The following SEPTIN12 variants were observed in gnomAD, a reference collection of about 807,000 sequenced individuals.
The protein encoded by SEPTIN12 is septin-12.
SEPTIN12 carries 42 observed loss-of-function variants against 37.7 expected under a neutral mutation model. That is an observed-to-expected ratio of 1.11 (90% confidence interval 0.87 to 1.44). SEPTIN12 has a LOEUF of 1.44. SEPTIN12 is among the 40% of genes most tolerant of loss of function. The pLI is 0.00. For missense variants in SEPTIN12, 613 were observed against 479.2 expected, an observed-to-expected ratio of 1.28 and a Z score of -2.61; for synonymous variants, 254 against 196.7, an observed-to-expected ratio of 1.29 and a Z score of -2.44.
In SEPTIN12 at chr16:4,783,705, C is replaced by A. The variant is rs1013230244; in HGVS notation, c.574G>T (p.Val192Leu). The change falls in exon 6 of 10, where the codon GTG becomes TTG. Residue 192 changes from valine to leucine, a missense_variant. Val to Leu is a conservative substitution (Grantham distance 32, BLOSUM62 1). Transcript: ENST00000268231. ...RLCRTVNVVP[V>L]IARADSLTME... ...GTCAGGCTGTCGGCCCTGGCAATCA[C>A]GGGCACCACATTCACAGTCCGGCAC... is the stretch of plus-strand genomic sequence containing the variant. 1.2e-6 allele frequency: 2 copies of A among 1,614,096 alleles called. No homozygotes were observed. The highest frequency in any genetic ancestry group is 1.3e-5 in the African/African-American group (1 of 75,050).
chr16:4,791,489 C>A (rs2082550418), upstream of SEPTIN12, among the ~76,000 whole-genome samples: 1 of 152,102 alleles, frequency 6.6e-6, no homozygotes, highest in Non-Finnish European at 1.5e-5. Flanking sequence ...GAGGTGGATA[C>A]TATTAACATA....
At chr16:4,780,021 A>T (rs1254578693) in intron 7 of SEPTIN12, among the ~76,000 whole-genome samples, 1 of 151,966 alleles carries the variant, frequency 6.6e-6, no homozygotes, top group Admixed American at 6.6e-5. Flanking sequence ...TGGGAGGATC[A>T]CTTGAGCCCT....
At chr16:4,781,677 C>G (rs2082372860) in intron 7 of SEPTIN12, among the ~76,000 whole-genome samples, 1 of 149,692 alleles carries the variant, frequency 6.7e-6, no homozygotes, top group South Asian at 2.1e-4. Context: ...CAGGGTCTCA[C>G]TCCCTTGCCC....
chr16:4,784,198 G>T lies in SEPTIN12; in HGVS notation c.375-130C>A, dbSNP rs558637877. On this transcript the variant is annotated intron_variant, in intron 4 of 9. Coordinates refer to ENST00000268231, the MANE Select transcript of SEPTIN12 (RefSeq NM_144605.5). ...GTCCCGGTTGGCCCGGGACCTGTGG[G>T]TCACCCCGGTACTTTCCCCCACTTC... The T allele has an allele frequency of 5.1e-6, 5 of 982,456 alleles. No individual in the cohort carries two copies. The East Asian group carries it at 1.2e-4, about 24-fold the overall frequency. 60.9% of individuals were successfully genotyped at this position (982,456 alleles called of 1,614,324 possible).
chr16:4,783,840 TG>T (rs2082402400), intron 5 of SEPTIN12, 74 bp from the exon 6 acceptor site: 2 of 1,583,942 alleles, frequency 1.3e-6, no homozygotes, highest in Admixed American at 1.7e-5. Flanking sequence ...GGCACGGGGG[TG>T]GGGGCAGCCG....
In SEPTIN12 at chr16:4,779,675, G is replaced by A; in HGVS notation, c.823+15C>T. 3.2e-6 allele frequency: 5 copies of A among 1,565,556 alleles called. No homozygotes were observed. Among genetic ancestry groups the A allele is most frequent in the Non-Finnish European group, 4.4e-6 (5 of 1,136,110 alleles). On this transcript the variant is annotated intron_variant, in intron 8 of 9. Transcript: ENST00000268231. ...CTGACCCCACCTGCATCCTACCCAG[G>A]GGCCCCGCACTGACCTTCAATGATG...
In SEPTIN12 at chr16:4,778,235, C is replaced by T. The variant is rs566803383; in HGVS notation, c.824-98G>A. On this transcript the variant is annotated intron_variant, in intron 8 of 9. Transcript: ENST00000268231. The stretch of plus-strand genomic sequence containing the variant: ...GACACCATTTCCCTTAGCCCTTTTC[C>T]CACATTTCTCTTTACCCTATCCTGC... 27 of 1,262,674 alleles carry T rather than the reference C, an allele frequency of 2.1e-5. No homozygotes were observed. In the South Asian group the frequency reaches 2.8e-4, roughly 13 times the overall value. 78.2% of individuals were successfully genotyped at this position (1,262,674 alleles called of 1,614,324 possible). A position where few individuals can be genotyped will look rare whatever the true frequency, so the allele number is the denominator to read the frequency against.
Position 4,777,858 on chromosome 16 carries a change from G to C in SEPTIN12, c.1016C>G (p.Thr339Ser). 6.3e-7 allele frequency: 1 copy of C among 1,596,674 alleles called. No homozygotes were observed. The highest frequency in any genetic ancestry group is 8.5e-7 in the Non-Finnish European group (1 of 1,172,564). The change falls in exon 10 of 10, where the codon ACC (threonine) becomes AGC (serine). Residue 339 changes from threonine to serine, a missense_variant. By Grantham distance (58) the Thr-to-Ser change is moderately conservative. Transcript: ENST00000268231. ...NLAPASPGQL[T>S]TPRTFKVCRG... The stretch of plus-strand genomic sequence containing the variant: ...GCAGACCTTGAAGGTCCGGGGGGTG[G>C]TCAGCTGTCCTGGGGAGGCCGGGGC...
intron 8 of SEPTIN12, among the ~76,000 whole-genome samples, chr16:4,779,075 T>C (rs1312878272): frequency 6.6e-6 from 1 of 151,746 alleles, no homozygotes; most frequent in Non-Finnish European, 1.5e-5. Context: ...GAGGCGGAGG[T>C]TGCAGTGAGC....
At chr16:4,779,539 C>T (rs1025162307) in intron 8 of SEPTIN12, 151 bp downstream of exon 8, 1 of 665,504 alleles carries the variant, frequency 1.5e-6, no homozygotes, top group Admixed American at 2.4e-5. Context: ...TTGCCACAGC[C>T]TCCCAGCTGG....
chr16:4,790,203 G>A (rs2082530706), upstream of SEPTIN12: 1 of 152,140 alleles, frequency 6.6e-6, no homozygotes, highest in African/African-American at 2.4e-5. Flanking sequence ...GCTGGCAAGT[G>A]TTTTCTGTAA....
rs2082350527 is a variant in SEPTIN12, at chr16:4,779,613, G to T, written c.823+77C>A. 3.5e-6 allele frequency: 3 copies of T among 848,486 alleles called. No homozygotes were observed. In the South Asian group the frequency reaches 4.0e-5, roughly 11 times the overall value. 52.6% of individuals were successfully genotyped at this position (848,486 alleles called of 1,614,324 possible). ...CTTCACCTTTCTGTGCCCTGTGATG[G>T]GTGCGAAGGTTGCCCAAGGCTGCTC... On this transcript the variant is annotated intron_variant, in intron 8 of 9. Coordinates refer to ENST00000268231, the MANE Select transcript of SEPTIN12 (RefSeq NM_144605.5).
rs766410060 is a variant in SEPTIN12 at position 4,787,535 on chromosome 16, G to C, written c.111C>G (p.Asp37Glu). ...TCTTCATAGCCTTGATCTTCAGCTG[G>C]TCCAGCACAGCCTCAATGCCCACAG... The part of the protein sequence containing the change: ...LGPVGIEAVL[D>E]QLKIKAMKMG... Residue 37 changes from aspartate to glutamate, a missense_variant, in exon 2 of 10, where the codon GAC (aspartate) becomes GAG (glutamate). Transcript: ENST00000268231. The C allele has an allele frequency of 3.1e-5, 50 of 1,612,660 alleles. No individual in the cohort carries two copies. The highest frequency in any genetic ancestry group is 4.2e-5 in the Non-Finnish European group (49 of 1,179,978).
chr16:4,783,245 T>C (rs1437238125), intron 7 of SEPTIN12: 4 of 580,362 alleles, frequency 6.9e-6, no homozygotes, highest in African/African-American at 3.7e-5. Flanking sequence ...AAGCCCCTTA[T>C]TGGGTATGTG....
rs1247275336 is a variant in SEPTIN12 at position 4,787,531 on chromosome 16, G to T, written c.115C>A (p.Leu39Met). 19 of 1,612,944 alleles carry T rather than the reference G, an allele frequency of 1.2e-5. No homozygotes were observed. The highest frequency in any genetic ancestry group is 1.6e-5 in the Non-Finnish European group (19 of 1,179,992). The change falls in exon 2 of 10, where the codon CTG becomes ATG. Residue 39 changes from leucine to methionine, a missense_variant. Leu to Met is a conservative substitution (Grantham distance 15, BLOSUM62 2). Coordinates refer to ENST00000268231, the MANE Select transcript of SEPTIN12 (RefSeq NM_144605.5). ...PVGIEAVLDQLKIKAMKMGFE... is the reference protein window; with the variant it reads ...PVGIEAVLDQMKIKAMKMGFE... Reference sequence around the variant, plus strand: ...CCCATCTTCATAGCCTTGATCTTCAGCTGGTCCAGCACAGCCTCAATGCCC... The same window carrying T: ...CCCATCTTCATAGCCTTGATCTTCATCTGGTCCAGCACAGCCTCAATGCCC...
In SEPTIN12 at chr16:4,785,871, C is replaced by T. The variant is rs1567569788; in HGVS notation, c.310G>A (p.Val104Met). ...SLTHVIEEKG[V>M]KLKLTVTDTP... ...TCCGTCACCGTCAGCTTCAGCTTCACACCCTTCTCCTCTATGACTGTGGAG... is the reference window on the plus strand; with the variant it reads ...TCCGTCACCGTCAGCTTCAGCTTCATACCCTTCTCCTCTATGACTGTGGAG... Residue 104 changes from valine (V) to methionine (M), a missense_variant, in exon 4 of 10, where the codon GTG (valine) becomes ATG (methionine). Physicochemically the swap from Val to Met is conservative, Grantham distance 21. Coordinates refer to ENST00000268231, the MANE Select transcript of SEPTIN12 (RefSeq NM_144605.5). 1.9e-6 allele frequency: 3 copies of T among 1,613,186 alleles called. No homozygotes were observed. Among genetic ancestry groups the T allele is most frequent in the South Asian group, 2.2e-5 (2 of 91,066 alleles).
At chr16:4,788,251 A>G (rs982234908) in intron 1 of SEPTIN12, 29 bp downstream of exon 1, 2 of 152,876 alleles carry the variant, frequency 1.3e-5, no homozygotes, top group African/African-American at 4.8e-5. Context: ...CGGGGGGCAG[A>G]GAGAGAGAGA....
intron 4 of SEPTIN12, 81 bp from the exon 5 acceptor site, chr16:4,784,149 G>C: frequency 1.3e-6 from 2 of 1,550,348 alleles, no homozygotes. Context: ...TCCTCTGGGC[G>C]GTCCTCCCTT....
At chr16:4,782,760 C>T (rs756130583) in intron 7 of SEPTIN12, among the ~76,000 whole-genome samples, 52 of 152,032 alleles carry the variant, frequency 3.4e-4, no homozygotes, top group Non-Finnish European at 6.6e-4. Flanking sequence ...CCCACCACCA[C>T]GCCCAGCTGA....
Sources: allele counts gnomAD v4.1 joint callset (sites outside exome capture counted in the v4.1 genomes callset), GRCh38; gene constraint gnomAD v4.1.1; transcripts MANE v1.5; gene names NCBI Gene and HGNC (gene_info 2026-07-23, HGNC 2026-07-21).